RNF38: variants seen among roughly 807,000 people sequenced by gnomAD.
RNF38 encodes the protein ring finger protein 38, also known as E3 ubiquitin-protein ligase RNF38.
A neutral mutation model predicts 67.2 loss-of-function variants in RNF38; 15 were observed. The ratio of observed to expected loss-of-function variants is 0.22; its 90% CI spans 0.15 to 0.34. The LOEUF is 0.34. Among genes scored for constraint, RNF38 ranks in the 10% least tolerant of loss-of-function variants. The pLI is 1.00. For missense variants in RNF38, 524 were observed against 639.9 expected (o/e 0.82, Z 1.95); for synonymous variants, 220 against 218.8 (o/e 1.01, Z -0.05).
At chr9:36,405,501 A>T (rs1838156745), upstream of RNF38, among the ~76,000 whole-genome samples, 1 of 152,220 alleles carries the variant, frequency 6.6e-6, no homozygotes. Flanking sequence ...TTCCATGTTT[A>T]TAATGTCCCT....
At chr9:36,417,337 T>C (rs1838502158) in intron 2 of RNF38, among the ~76,000 whole-genome samples, 1 of 152,180 alleles carries the variant, frequency 6.6e-6, no homozygotes, top group Non-Finnish European at 1.5e-5. Context: ...ACGATGTGAG[T>C]CTCCACACAC....
In RNF38 at chr9:36,474,916, C is replaced by T. The variant is rs560094040; in HGVS notation, n.241+12392G>A. ...CAGCACTTTGGGAGGCCGAGGCAGG[C>T]GGATCACCTGAGGTCGGGAGTTCAA... On this transcript the variant is annotated intron_variant and non_coding_transcript_variant, in intron 1 of 3. Coordinates refer to the RNF38 transcript ENST00000488058. Among the ~76,000 whole-genome samples, 69 of 147,544 alleles carry T rather than the reference C, an allele frequency of 4.7e-4. 10 individuals carry two copies. The South Asian group carries it at 0.014, about 30-fold the overall frequency.
At chr9:36,464,660 T>C (rs1839818558) in intron 1 of RNF38, among the ~76,000 whole-genome samples, 1 of 152,074 alleles carries the variant, frequency 6.6e-6, no homozygotes, top group Non-Finnish European at 1.5e-5. Flanking sequence ...ACACAAATCC[T>C]GGAAACTGCA....
intron 1 of RNF38, among the ~76,000 whole-genome samples, chr9:36,472,803 C>G (rs985896098): frequency 1.3e-5 from 2 of 152,096 alleles, no homozygotes; most frequent in African/African-American, 4.8e-5. Context: ...CTTAAATATG[C>G]CTGATTTATA....
rs1835771200 is a variant in RNF38, at chr9:36,376,167, T to A, written c.163-40A>T. On this transcript the variant is annotated intron_variant, in intron 2 of 11. Coordinates refer to ENST00000259605, the MANE Select transcript of RNF38 (RefSeq NM_022781.5). ...AAATGGATCAACTGAGTAAGATCTT[T>A]TAAAGATTTCACATTACTGCATATG... is the stretch of plus-strand genomic sequence containing the variant. 5 of 1,471,520 alleles carry A rather than the reference T, an allele frequency of 3.4e-6. No homozygotes were observed. In the East Asian group the frequency reaches 1.2e-4, roughly 36 times the overall value. The allele number at this position is 1,471,520 out of a possible 1,614,324, so 91.2% of individuals were successfully genotyped here. A position where few individuals can be genotyped will look rare whatever the true frequency, so the allele number is the denominator to read the frequency against.
At chr9:36,438,125 G>T (rs1455472735) in intron 1 of RNF38, among the ~76,000 whole-genome samples, 1 of 152,082 alleles carries the variant, frequency 6.6e-6, no homozygotes, top group Non-Finnish European at 1.5e-5. Context: ...ATTTTTTGCA[G>T]AGACAGGGTC....
At chr9:36,446,123 C>A (rs1372586888) in intron 1 of RNF38, among the ~76,000 whole-genome samples, 1 of 152,188 alleles carries the variant, frequency 6.6e-6, no homozygotes, top group Non-Finnish European at 1.5e-5. Flanking sequence ...CACACCTGAA[C>A]CTCTGATCAT....
intron 2 of RNF38, among the ~76,000 whole-genome samples, chr9:36,418,881 T>C (rs1235799137): frequency 1.3e-5 from 2 of 152,114 alleles, no homozygotes; most frequent in African/African-American, 4.8e-5. Context: ...GAGAATTGCT[T>C]GAACCCTGGC....
chr9:36,423,857 G>A lies in RNF38; in HGVS notation n.312+756C>T, dbSNP rs1157538713. 2.3e-5 allele frequency among the ~76,000 whole-genome samples: 2 copies of A among 85,570 alleles called. 1 individual carries two copies. The highest frequency in any genetic ancestry group is 8.4e-5 in the African/African-American group (2 of 23,942). 56.1% of individuals were successfully genotyped at this position (85,570 alleles called of 152,430 possible). A position where few individuals can be genotyped will look rare whatever the true frequency, so the allele number is the denominator to read the frequency against. On this transcript the variant is annotated intron_variant and non_coding_transcript_variant, in intron 2 of 3. Transcript: ENST00000488058. The stretch of plus-strand genomic sequence containing the variant: ...CCAGCTACTCGGGAGGCTGAGGCAG[G>A]AGAATGGCGTGAACCCGGGAGACGG...
At chr9:36,415,620 G>A (rs1460321361) in intron 2 of RNF38, among the ~76,000 whole-genome samples, 2 of 152,076 alleles carry the variant, frequency 1.3e-5, no homozygotes, top group Non-Finnish European at 2.9e-5. Context: ...TAGAGCTACT[G>A]GGGTCCGGGC....
rs1491451376 is a variant in RNF38, at chr9:36,416,740, A to ATTTTTTTTTT, written n.312+7872_312+7873insAAAAAAAAAA. Among the ~76,000 whole-genome samples, 46 of 73,028 alleles carry ATTTTTTTTTT rather than the reference A, an allele frequency of 6.3e-4. 1 individual carries two copies. The highest frequency in any genetic ancestry group is 2.5e-3 in the African/African-American group (45 of 18,240). The allele number at this position is 73,028 out of a possible 152,430, so 47.9% of individuals were successfully genotyped here. A position where few individuals can be genotyped will look rare whatever the true frequency, so the allele number is the denominator to read the frequency against. Reference sequence around the variant, plus strand: ...AGGGCTCCTTCTTGCTGCTGCCTCGATATTTTTTTTTTTTTTTTTTTTTTT... The same window carrying ATTTTTTTTTT: ...AGGGCTCCTTCTTGCTGCTGCCTCGATTTTTTTTTTTATTTTTTTTTTTTTTTTTTTTTTT... On this transcript the variant is annotated intron_variant and non_coding_transcript_variant, in intron 2 of 3. Transcript: ENST00000488058.
intron 1 of RNF38, among the ~76,000 whole-genome samples, chr9:36,431,098 T>C (rs1564060219): frequency 6.6e-6 from 1 of 152,188 alleles, no homozygotes; most frequent in Non-Finnish European, 1.5e-5. Flanking sequence ...TTTTGTCAGT[T>C]TGGCTACAAA....
intron 1 of RNF38, among the ~76,000 whole-genome samples, chr9:36,460,689 A>C (rs1417066360): frequency 6.6e-6 from 1 of 152,014 alleles, no homozygotes; most frequent in African/African-American, 2.4e-5. Flanking sequence ...GGAGTTCAAG[A>C]CCAGCCTGAC....
intron 1 of RNF38, among the ~76,000 whole-genome samples, chr9:36,435,652 G>A (rs1404409467): frequency 1.4e-5 from 2 of 146,252 alleles, no homozygotes; most frequent in African/African-American, 5.1e-5. Context: ...ATGGAGTCTC[G>A]CTCTGTCGCC....
At chr9:36,410,875 G>A (rs1011318074) in intron 2 of RNF38, among the ~76,000 whole-genome samples, 2 of 152,176 alleles carry the variant, frequency 1.3e-5, no homozygotes, top group Admixed American at 1.3e-4. Flanking sequence ...CCAGGGGCTG[G>A]AGGAGGCAAT....
chr9:36,440,627 GAATA>G (rs1839171993), intron 1 of RNF38, among the ~76,000 whole-genome samples: 1 of 151,952 alleles, frequency 6.6e-6, no homozygotes, highest in Non-Finnish European at 1.5e-5. Context: ...GCAAGTTGCA[GAATA>G]AATAAATAAG....
intron 1 of RNF38, among the ~76,000 whole-genome samples, chr9:36,442,003 T>C (rs1839202465): frequency 6.6e-6 from 1 of 152,228 alleles, no homozygotes; most frequent in African/African-American, 2.4e-5. Context: ...TAATTCTTTC[T>C]GAATACATCA....
chr9:36,468,967 C>G (rs1478591186), intron 1 of RNF38, among the ~76,000 whole-genome samples: 1 of 151,996 alleles, frequency 6.6e-6, no homozygotes, highest in African/African-American at 2.4e-5. Flanking sequence ...CAAAAATTAG[C>G]TGGGCATGGT....
At chr9:36,435,875 C>A (rs1033410394) in intron 1 of RNF38, among the ~76,000 whole-genome samples, 1 of 152,064 alleles carries the variant, frequency 6.6e-6, no homozygotes, top group Non-Finnish European at 1.5e-5. Context: ...GTGATCCGCC[C>A]GCCTCAGCCT....
Sources: allele counts gnomAD v4.1 joint callset (sites outside exome capture counted in the v4.1 genomes callset), GRCh38; gene constraint gnomAD v4.1.1; transcripts MANE v1.5; gene names NCBI Gene and HGNC (gene_info 2026-07-23, HGNC 2026-07-21).